Variants in ZNF709 observed in about 807,000 individuals in gnomAD.
ZNF709 encodes zinc finger protein 709.
In ZNF709, 15 loss-of-function variants were observed where a neutral mutation model predicts 10.6. The observed-to-expected ratio is 1.41, with a 90% CI of 0.95 to 2.18. The LOEUF (loss-of-function observed/expected upper bound fraction) is 2.18, where lower values mean the gene tolerates loss of function less well. Ranked by LOEUF, ZNF709 falls within the 30% of genes most tolerant of loss-of-function variation. The pLI, the probability that ZNF709 is intolerant of heterozygous loss-of-function variation, is 0.00. For missense variants in ZNF709, 589 were observed against 774.0 expected (o/e 0.76, Z 2.84); for synonymous variants, 194 against 238.8 (o/e 0.81, Z 1.73).
chr19:12,477,674 A>G lies in ZNF709; in HGVS notation c.3+6981T>C, dbSNP rs375034345. Among the ~76,000 whole-genome samples the G allele has an allele frequency of 3.7e-4, 57 of 152,348 alleles. 1 individual carries two copies. The South Asian group carries it at 0.011, about 29-fold the overall frequency. On this transcript the variant is annotated intron_variant, in intron 1 of 3. Transcript: ENST00000397732. ...TTAATACATTACATAAGATGTTAAA[A>G]TTAATACAGAACCTATGATATAGAG...
At chr19:12,482,709 C>T (rs375403955) in intron 1 of ZNF709, among the ~76,000 whole-genome samples, 2 of 152,198 alleles carry the variant, frequency 1.3e-5, no homozygotes, top group African/African-American at 4.8e-5. Flanking sequence ...AATCCCCCAA[C>T]GTGCATTCAG....
intron 1 of ZNF709, among the ~76,000 whole-genome samples, chr19:12,473,089 T>G (rs564577691): frequency 6.6e-6 from 1 of 152,362 alleles, no homozygotes; most frequent in South Asian, 2.1e-4. Context: ...TTCCTGTATA[T>G]TTGAACTTGA....
At chr19:12,480,961 T>G (rs902111052) in intron 1 of ZNF709, among the ~76,000 whole-genome samples, 8 of 151,688 alleles carry the variant, frequency 5.3e-5, no homozygotes, top group Non-Finnish European at 1.2e-4. Context: ...TTTTTTTTTT[T>G]TTTGTAGAGA....
chr19:12,466,667 T>C, intron 2 of ZNF709, 57 bp downstream of exon 2: 1 of 1,613,190 alleles, frequency 6.2e-7, no homozygotes, highest in South Asian at 1.1e-5. Context: ...ACCTTGCTGA[T>C]GAGCAAGAAA....
At chr19:12,466,237 G>C (rs1348653787) in intron 3 of ZNF709, among the ~76,000 whole-genome samples, 1 of 152,012 alleles carries the variant, frequency 6.6e-6, no homozygotes, top group East Asian at 1.9e-4. Flanking sequence ...CACCATGCCT[G>C]GCCAAAATTC....
intron 1 of ZNF709, among the ~76,000 whole-genome samples, chr19:12,467,621 G>A (rs1970587141): frequency 6.6e-6 from 1 of 151,690 alleles, no homozygotes. Flanking sequence ...GATGTGAGGA[G>A]CCCCTCTGCC....
intron 1 of ZNF709, among the ~76,000 whole-genome samples, chr19:12,477,892 T>C (rs1393041405): frequency 2.6e-5 from 4 of 152,164 alleles, no homozygotes. Context: ...GGGTGTTCTT[T>C]TCCCTCCAGA....
At chr19:12,480,593 G>A (rs1172129916) in intron 1 of ZNF709, among the ~76,000 whole-genome samples, 2 of 151,404 alleles carry the variant, frequency 1.3e-5, no homozygotes, top group Non-Finnish European at 2.9e-5. Context: ...TGAGGCAGGA[G>A]AATGGCGTGA....
At chr19:12,470,144 G>A (rs1043874370) in intron 1 of ZNF709, among the ~76,000 whole-genome samples, 4 of 152,120 alleles carry the variant, frequency 2.6e-5, no homozygotes, top group African/African-American at 9.7e-5. Flanking sequence ...CTCCCGTGAG[G>A]TACGTGGTGG....
intron 1 of ZNF709, among the ~76,000 whole-genome samples, chr19:12,480,949 ATT>A (rs547391775): frequency 5.0e-5 from 7 of 141,054 alleles, no homozygotes; most frequent in Non-Finnish European, 3.1e-5. Context: ...CACTTGGCTA[ATT>A]TTTTTTTTTT....
intron 1 of ZNF709, among the ~76,000 whole-genome samples, chr19:12,477,315 TCA>T (rs1970685293): frequency 6.6e-6 from 1 of 152,230 alleles, no homozygotes; most frequent in South Asian, 2.1e-4. Flanking sequence ...TATTGAGCCA[TCA>T]TAACTAATTT....
Position 12,464,070 on chromosome 19 carries a change from A to G in ZNF709, c.1852T>C (p.Cys618Arg). The G allele has an allele frequency of 6.5e-7, 1 of 1,548,308 alleles. No individual in the cohort carries two copies. The highest frequency in any genetic ancestry group is 8.7e-7 in the Non-Finnish European group (1 of 1,153,442). ...RTHTGEKPYA[C>R]QQCGKAFKCS... ...TTGAAGGCTTTACCACATTGTTGAC[A>G]TGCATAGGGTTTCTCTCCAGTGTGA... The change falls in exon 4 of 4, where the codon TGT (cysteine) becomes CGT (arginine). Residue 618 changes from cysteine (C) to arginine (R), a missense_variant. By Grantham distance (180) the Cys-to-Arg change is radical. Coordinates refer to ENST00000397732, the MANE Select transcript of ZNF709 (RefSeq NM_152601.4).
At chr19:12,484,581 C>T (rs1249764593) in intron 1 of ZNF709, 74 bp downstream of exon 1, 22 of 1,582,154 alleles carry the variant, frequency 1.4e-5, no homozygotes, top group Non-Finnish European at 1.9e-5. Context: ...GCCTGGGTCC[C>T]ACCACAGCCA....
Position 12,464,354 on chromosome 19 carries a change from T to TCATG in ZNF709, c.1564_1567dup (p.Glu523AlafsTer2), listed in dbSNP as rs1970545679. The TCATG allele has an allele frequency of 6.2e-7, 1 of 1,612,062 alleles. No individual in the cohort carries two copies. The highest frequency in any genetic ancestry group is 1.3e-5 in the African/African-American group (1 of 74,850). On this transcript the variant is annotated stop_gained and frameshift_variant, in exon 4 of 4. Coordinates refer to ENST00000397732, the MANE Select transcript of ZNF709 (RefSeq NM_152601.4). LOFTEE classifies it low-confidence loss of function (END_TRUNC). ...GGGTTTCTCCCCAGTGTGAGTCCTT[T>TCATG]CATGCATTCGAAAGGAACTGGAACA...
rs1033413634 is a variant in ZNF709, at chr19:12,483,975, C to T, written c.3+680G>A. 7.9e-5 allele frequency among the ~76,000 whole-genome samples: 12 copies of T among 152,158 alleles called. 1 individual carries two copies. Among genetic ancestry groups the T allele is most frequent in the South Asian group, 4.1e-4 (2 of 4,836 alleles). ...GGCACAAGCATTTTACACGAGGTAGCTTCAAGTCCTTCTCCTCTGTTTTCC... is the reference window on the plus strand; with the variant it reads ...GGCACAAGCATTTTACACGAGGTAGTTTCAAGTCCTTCTCCTCTGTTTTCC... On this transcript the variant is annotated intron_variant, in intron 1 of 3. Coordinates refer to ENST00000397732, the MANE Select transcript of ZNF709 (RefSeq NM_152601.4).
At chr19:12,479,468 G>A (rs1210381277) in intron 1 of ZNF709, among the ~76,000 whole-genome samples, 4 of 151,982 alleles carry the variant, frequency 2.6e-5, no homozygotes, top group Non-Finnish European at 5.9e-5. Flanking sequence ...AAAATAAACA[G>A]CTAAATTTAA....
intron 1 of ZNF709, among the ~76,000 whole-genome samples, chr19:12,470,916 G>GGCA (rs1970629637): frequency 6.9e-6 from 1 of 144,620 alleles, no homozygotes. Flanking sequence ...AACAGAGCGA[G>GGCA]ACTCCACCTC....
Position 12,482,156 on chromosome 19 carries a change from A to ACACACACACACAC in ZNF709, c.3+2498_3+2499insGTGTGTGTGTGTG, listed in dbSNP as rs1555694485. On this transcript the variant is annotated intron_variant, in intron 1 of 3. Coordinates refer to ENST00000397732, the MANE Select transcript of ZNF709 (RefSeq NM_152601.4). ...TCTAAAATACACACACACACACACA[A>ACACACACACACAC]ACACACACACACACACACACACACA... Among the ~76,000 whole-genome samples the ACACACACACACAC allele has an allele frequency of 8.0e-4, 103 of 128,450 alleles. 1 individual carries two copies. Among genetic ancestry groups the ACACACACACACAC allele is most frequent in the Non-Finnish European group, 1.3e-3 (75 of 59,220 alleles). 84.3% of individuals were successfully genotyped at this position (128,450 alleles called of 152,430 possible).
intron 1 of ZNF709, among the ~76,000 whole-genome samples, chr19:12,478,761 G>A (rs1970696789): frequency 1.3e-5 from 2 of 152,166 alleles, no homozygotes; most frequent in Admixed American, 6.5e-5. Context: ...GTTTGGGGGT[G>A]GGGCTACAAG....
Sources: gnomAD v4.1 joint callset for allele counts (sites outside exome capture counted in the v4.1 genomes callset) on GRCh38, gnomAD v4.1.1 for gene constraint, MANE v1.5 for transcripts, NCBI Gene and HGNC (gene_info 2026-07-23, HGNC 2026-07-21) for gene names.